The following GALNT13 variants were observed in gnomAD, a reference collection of about 807,000 sequenced individuals.
GALNT13 encodes the protein UDP-GalNAc:polypeptide N-acetylgalactosaminyltransferase 13.
In GALNT13, 28 loss-of-function variants were observed where a neutral mutation model predicts 64.2. The observed-to-expected ratio is 0.44, with a 90% CI of 0.32 to 0.60. The LOEUF is 0.60. Ranked by LOEUF, GALNT13 falls within the 20% of genes least tolerant of loss-of-function variation. The pLI is 0.05. For synonymous variants in GALNT13, 214 were observed against 224.6 expected (o/e 0.95, Z 0.42); for missense variants, 577 against 669.8 (o/e 0.86, Z 1.53).
the GALNT13 span, among the ~76,000 whole-genome samples, chr2:153,092,548 T>C: frequency 6.6e-6 from 1 of 152,126 alleles, no homozygotes; most frequent in South Asian, 2.1e-4. Context: ...ATTATAGAGA[T>C]ATTTTATTTC....
chr2:153,908,655 T>C (rs1688740253), intron 2 of GALNT13, among the ~76,000 whole-genome samples: 2 of 152,058 alleles, frequency 1.3e-5, no homozygotes, highest in African/African-American at 4.8e-5. Context: ...GGGAGTCCAT[T>C]CCTCATTGCT....
the GALNT13 span, among the ~76,000 whole-genome samples, chr2:153,517,842 C>T: frequency 2.6e-5 from 4 of 152,050 alleles, no homozygotes; most frequent in Admixed American, 2.6e-4. Flanking sequence ...GGTATCTCCC[C>T]TAGGATGCTC....
chr2:153,445,182 A>C, the GALNT13 span, among the ~76,000 whole-genome samples: 5 of 152,122 alleles, frequency 3.3e-5, no homozygotes, highest in African/African-American at 9.7e-5. Context: ...TTATATGAAA[A>C]CATGTCTGTT....
At chr2:153,075,567 C>T in the GALNT13 span, among the ~76,000 whole-genome samples, 2 of 151,980 alleles carry the variant, frequency 1.3e-5, no homozygotes, top group Non-Finnish European at 2.9e-5. Context: ...CTAAATAATT[C>T]CTTTTTATAT....
intron 3 of GALNT13, among the ~76,000 whole-genome samples, chr2:153,959,826 G>T (rs1692816072): frequency 6.6e-6 from 1 of 152,128 alleles, no homozygotes; most frequent in Admixed American, 6.5e-5. Flanking sequence ...CACTATGGCT[G>T]CCCCCCACCA....
chr2:153,680,331 T>A, the GALNT13 span, among the ~76,000 whole-genome samples: 1 of 151,732 alleles, frequency 6.6e-6, no homozygotes, highest in Non-Finnish European at 1.5e-5. Context: ...CTGTTTCTAC[T>A]ACCCTATGGG....
At chr2:153,368,600 G>A in the GALNT13 span, among the ~76,000 whole-genome samples, 1 of 152,078 alleles carries the variant, frequency 6.6e-6, no homozygotes, top group Non-Finnish European at 1.5e-5. Context: ...TGACGATAAA[G>A]AATACAATTC....
chr2:154,327,132 T>C (rs1342620182), intron 9 of GALNT13, among the ~76,000 whole-genome samples: 1 of 151,464 alleles, frequency 6.6e-6, no homozygotes, highest in Admixed American at 6.6e-5. Flanking sequence ...TATCCCATAA[T>C]AGTGAGTGAG....
chr2:153,851,112 T>G, the GALNT13 span, among the ~76,000 whole-genome samples: 1 of 152,070 alleles, frequency 6.6e-6, no homozygotes, highest in Admixed American at 6.6e-5. Context: ...ATACCATAAC[T>G]TATCATAATC....
the GALNT13 span, among the ~76,000 whole-genome samples, chr2:153,319,956 G>A: frequency 1.3e-5 from 2 of 152,066 alleles, no homozygotes; most frequent in African/African-American, 4.8e-5. Context: ...ATAAAAGATG[G>A]GGAGCTGAAA....
chr2:153,980,050 T>G (rs1694355589), intron 3 of GALNT13, among the ~76,000 whole-genome samples: 1 of 152,260 alleles, frequency 6.6e-6, no homozygotes, highest in Non-Finnish European at 1.5e-5. Flanking sequence ...GAATTACAAT[T>G]GTGATATATA....
At chr2:153,360,576 C>A in the GALNT13 span, among the ~76,000 whole-genome samples, 7 of 152,202 alleles carry the variant, frequency 4.6e-5, no homozygotes, top group Non-Finnish European at 1.0e-4. Flanking sequence ...GTATTCCCCA[C>A]AGCCCAACAC....
the GALNT13 span, among the ~76,000 whole-genome samples, chr2:153,790,237 A>G: frequency 6.6e-6 from 1 of 152,176 alleles, no homozygotes; most frequent in Admixed American, 6.5e-5. Context: ...ATCCACCACA[A>G]TCAATTAGAC....
chr2:153,858,032 G>C, the GALNT13 span, among the ~76,000 whole-genome samples: 1 of 152,156 alleles, frequency 6.6e-6, no homozygotes, highest in South Asian at 2.1e-4. Context: ...GGATATATAA[G>C]TAAAATCTAT....
At chr2:153,165,038 C>A in the GALNT13 span, among the ~76,000 whole-genome samples, 2 of 152,186 alleles carry the variant, frequency 1.3e-5, no homozygotes, top group Admixed American at 6.5e-5. Flanking sequence ...AGTTATAAGT[C>A]AGTTTGAATA....
the GALNT13 span, among the ~76,000 whole-genome samples, chr2:153,829,696 C>A: frequency 1.3e-5 from 2 of 151,954 alleles, no homozygotes; most frequent in Non-Finnish European, 1.5e-5. Context: ...GGAAAGAGGT[C>A]AAAAAATATA....
chr2:153,123,087 C>T, the GALNT13 span, among the ~76,000 whole-genome samples: 1 of 151,954 alleles, frequency 6.6e-6, no homozygotes, highest in Admixed American at 6.6e-5. Context: ...TACGAAGATA[C>T]AGAAGACACA....
At chr2:153,525,637 C>T in the GALNT13 span, among the ~76,000 whole-genome samples, 2 of 152,126 alleles carry the variant, frequency 1.3e-5, no homozygotes, top group African/African-American at 4.8e-5. Context: ...GAATCTAATG[C>T]CTGACGATCC....
intron 11 of GALNT13, among the ~76,000 whole-genome samples, chr2:154,430,474 C>G (rs1020467313): frequency 6.6e-6 from 1 of 152,158 alleles, no homozygotes; most frequent in Admixed American, 6.5e-5. Context: ...CAAGCTAAAA[C>G]TTTAATGAAT....
Sources: allele counts gnomAD v4.1 joint callset (sites outside exome capture counted in the v4.1 genomes callset), GRCh38; gene constraint gnomAD v4.1.1; transcripts MANE v1.5; gene names NCBI Gene and HGNC (gene_info 2026-07-23, HGNC 2026-07-21).